Variants in RAB4A observed in about 807,000 individuals in gnomAD.
The protein encoded by RAB4A is RAB4A, member RAS oncogene family, also known as ras-related protein Rab-4A.
A neutral mutation model predicts 34.5 loss-of-function variants in RAB4A; 20 were observed. The observed-to-expected ratio is 0.58, with a 90% CI of 0.41 to 0.84. RAB4A has a LOEUF of 0.84. Among genes scored for constraint, RAB4A ranks in the 40% least tolerant of loss-of-function variants. The probability of loss-of-function intolerance (pLI) is 0.00; values close to 1 mark genes in which losing one functional copy is unlikely to be tolerated. For missense variants in RAB4A, 228 were observed against 274.5 expected (o/e 0.83, Z 1.20); for synonymous variants, 102 against 100.0 (o/e 1.02, Z -0.12).
At chr1:229,291,467 C>A (rs1481509196) in intron 3 of RAB4A, among the ~76,000 whole-genome samples, 1 of 151,846 alleles carries the variant, frequency 6.6e-6, no homozygotes, top group Non-Finnish European at 1.5e-5. Context: ...ACCAGGGGAA[C>A]AAGTGAGGGG....
intron 1 of RAB4A, among the ~76,000 whole-genome samples, chr1:229,284,331 G>A (rs1465212117): frequency 2.0e-5 from 3 of 151,624 alleles, no homozygotes; most frequent in Admixed American, 2.0e-4. Context: ...ACTCCTGACT[G>A]AGGTGATCCA....
Position 229,302,888 on chromosome 1 carries a change from T to C in RAB4A, c.568T>C (p.Ser190Pro). 2 of 1,613,714 alleles carry C rather than the reference T, an allele frequency of 1.2e-6. No homozygotes were observed. The highest frequency in any genetic ancestry group is 1.7e-6 in the Non-Finnish European group (2 of 1,179,852). ...SGELDPERMG[S>P]GIQYGDAALR... ...TGAGCTGGACCCAGAAAGAATGGGC[T>C]CAGGTATTCAGTACGGAGATGCTGC... is the stretch of plus-strand genomic sequence containing the variant. The change falls in exon 7 of 8, where the codon TCA (serine) becomes CCA (proline). Residue 190 changes from serine to proline, a missense_variant. Ser to Pro is a moderately conservative substitution (Grantham distance 74, BLOSUM62 -1). Coordinates refer to ENST00000366690, the MANE Select transcript of RAB4A (RefSeq NM_004578.4).
At chr1:229,295,470 G>A (rs1303590874) in intron 3 of RAB4A, among the ~76,000 whole-genome samples, 1 of 152,152 alleles carries the variant, frequency 6.6e-6, no homozygotes, top group Non-Finnish European at 1.5e-5. Context: ...TGGAAGAGAT[G>A]GAGAAAATTG....
chr1:229,281,740 G>C (rs1459776005), intron 1 of RAB4A, among the ~76,000 whole-genome samples: 1 of 150,930 alleles, frequency 6.6e-6, no homozygotes, highest in African/African-American at 2.4e-5. Flanking sequence ...CAAGAGTGCT[G>C]TGGAATGTAT....
Position 229,297,394 on chromosome 1 carries a change from A to G in RAB4A, c.291-88A>G. ...TTGGTGCCATTACCCTGAAATGTTGAAAAGCGGTATGAGTAGTGAGAATGA... is the reference window on the plus strand; with the variant it reads ...TTGGTGCCATTACCCTGAAATGTTGGAAAGCGGTATGAGTAGTGAGAATGA... On this transcript the variant is annotated intron_variant, in intron 4 of 7. Coordinates refer to ENST00000366690, the MANE Select transcript of RAB4A (RefSeq NM_004578.4). The G allele has an allele frequency of 2.2e-6, 3 of 1,358,634 alleles. No individual in the cohort carries two copies. In the Middle Eastern group the frequency reaches 5.7e-4, roughly 257 times the overall value. The allele number at this position is 1,358,634 out of a possible 1,614,324, so 84.2% of individuals were successfully genotyped here.
intron 1 of RAB4A, among the ~76,000 whole-genome samples, chr1:229,274,097 T>C (rs1656575583): frequency 7.6e-6 from 1 of 132,006 alleles, no homozygotes; most frequent in Non-Finnish European, 1.6e-5. Context: ...CTGTCACCCA[T>C]GCTGGAGTGC....
rs768448903 is a variant in RAB4A at position 229,305,214 on chromosome 1, T to C, written c.*1421T>C. 6.2e-7 allele frequency: 1 copy of C among 1,609,952 alleles called. No homozygotes were observed. The highest frequency in any genetic ancestry group is 1.3e-5 in the African/African-American group (1 of 74,802). On this transcript the variant is annotated 3_prime_UTR_variant, in exon 8 of 8. Transcript: ENST00000366690. ...TTTTTTTATGCCTTGAATATTTTAT[T>C]TCAAAAAGTATCTGAAGCAAATTCT...
intron 1 of RAB4A, among the ~76,000 whole-genome samples, chr1:229,278,966 C>T (rs1235298349): frequency 6.6e-6 from 1 of 152,210 alleles, no homozygotes; most frequent in East Asian, 1.9e-4. Context: ...ACTGTGTTGG[C>T]TTACAGGTAT....
chr1:229,291,559 GAAGA>G (rs529637921), intron 3 of RAB4A, among the ~76,000 whole-genome samples: 129 of 152,326 alleles, frequency 8.5e-4, no homozygotes, highest in African/African-American at 3.0e-3. Flanking sequence ...GTAGAAATGA[GAAGA>G]AAGAAACTGT....
At chr1:229,300,947 G>A (rs1325850534) in intron 6 of RAB4A, among the ~76,000 whole-genome samples, 1 of 152,168 alleles carries the variant, frequency 6.6e-6, no homozygotes, top group African/African-American at 2.4e-5. Context: ...TCAAGGGAAT[G>A]TGGGTGTCAC....
chr1:229,286,420 G>T, intron 1 of RAB4A, 66 bp from the exon 2 acceptor site: 1 of 944,348 alleles, frequency 1.1e-6, no homozygotes, highest in Non-Finnish European at 1.6e-6. Flanking sequence ...TTTGATGATC[G>T]TGATCTAAGA....
chr1:229,278,655 G>T (rs991285222), intron 1 of RAB4A, among the ~76,000 whole-genome samples: 61 of 152,120 alleles, frequency 4.0e-4, no homozygotes, highest in African/African-American at 1.5e-3. Flanking sequence ...CATCATGTCT[G>T]TTCCCCTCCT....
intron 1 of RAB4A, among the ~76,000 whole-genome samples, chr1:229,277,059 AATTTATATATAATTATTTAT>A (rs1463457871): frequency 1.4e-5 from 2 of 146,684 alleles, no homozygotes; most frequent in Non-Finnish European, 3.0e-5. Context: ...AATTATTTAT[AATTTATATATAATTATTTAT>A]ATTTATATAA....
chr1:229,278,318 G>A (rs994054522), intron 1 of RAB4A, among the ~76,000 whole-genome samples: 9 of 152,208 alleles, frequency 5.9e-5, no homozygotes, highest in African/African-American at 2.2e-4. Flanking sequence ...TGTGCAGACA[G>A]AGCTCCTTTT....
In RAB4A at chr1:229,291,103, C is replaced by A. The variant is rs190605879; in HGVS notation, c.227+2260C>A. Among the ~76,000 whole-genome samples, 380 of 152,298 alleles carry A rather than the reference C, an allele frequency of 2.5e-3. 1 individual carries two copies. The highest frequency in any genetic ancestry group is 8.8e-3 in the African/African-American group (366 of 41,562). On this transcript the variant is annotated intron_variant, in intron 3 of 7. Coordinates refer to ENST00000366690, the MANE Select transcript of RAB4A (RefSeq NM_004578.4). ...GGAATTGCTTTGCACCCTTCCACAG[C>A]AACATTGGAAGCTAAAAGAAATGGA...
intron 1 of RAB4A, among the ~76,000 whole-genome samples, chr1:229,275,522 C>G (rs1179539933): frequency 6.6e-6 from 1 of 151,768 alleles, no homozygotes; most frequent in African/African-American, 2.4e-5. Flanking sequence ...ATAGGCTTTG[C>G]TCATCAAAAT....
chr1:229,274,985 C>T (rs57236154), intron 1 of RAB4A, among the ~76,000 whole-genome samples: 29,153 of 152,036 alleles, frequency 0.19, 2,805 homozygotes, highest in African/African-American at 0.21. Flanking sequence ...CACAGTATTA[C>T]AGTATTTGCC....
At chr1:229,302,671 C>T (rs984125811) in intron 6 of RAB4A, among the ~76,000 whole-genome samples, 191 bp from the exon 7 acceptor site, 4 of 151,800 alleles carry the variant, frequency 2.6e-5, no homozygotes, top group East Asian at 1.9e-4. Context: ...CCGAATCAGC[C>T]GTTCCTTATG....
At chr1:229,279,810 T>G (rs763206697) in intron 1 of RAB4A, among the ~76,000 whole-genome samples, 12 of 151,214 alleles carry the variant, frequency 7.9e-5, no homozygotes, top group Non-Finnish European at 1.8e-4. Context: ...TAATTCATTC[T>G]GGAGAAAACC....
Sources: gnomAD v4.1 joint callset for allele counts (sites outside exome capture counted in the v4.1 genomes callset) on GRCh38, gnomAD v4.1.1 for gene constraint, MANE v1.5 for transcripts, NCBI Gene and HGNC (gene_info 2026-07-23, HGNC 2026-07-21) for gene names.